Variants in CNTN5 observed in about 807,000 individuals in gnomAD.
CNTN5 encodes contactin 5.
CNTN5 carries 77 observed loss-of-function variants against 129.1 expected under a neutral mutation model. The ratio of observed to expected loss-of-function variants is 0.60; its 90% CI spans 0.50 to 0.72. The LOEUF is 0.72. Among genes scored for constraint, CNTN5 ranks in the 30% least tolerant of loss-of-function variants. The pLI, the probability that CNTN5 is intolerant of heterozygous loss-of-function variation, is 0.00. For missense variants in CNTN5, 1,478 were observed against 1,328.8 expected (o/e 1.11, Z -1.75); for synonymous variants, 509 against 465.6 (o/e 1.09, Z -1.20).
At chr11:100,288,893 T>A (rs1950874638) in intron 18 of CNTN5, among the ~76,000 whole-genome samples, 1 of 151,118 alleles carries the variant, frequency 6.6e-6, no homozygotes, top group Non-Finnish European at 1.5e-5. Context: ...GAGAGAAGAA[T>A]CAAATAGACA....
At chr11:100,121,825 A>G (rs902149149) in intron 13 of CNTN5, among the ~76,000 whole-genome samples, 13 of 152,028 alleles carry the variant, frequency 8.6e-5, no homozygotes, top group Non-Finnish European at 1.5e-4. Flanking sequence ...AGCAAAATAG[A>G]GGAAAGTATT....
chr11:100,105,771 G>A (rs1430650280), intron 13 of CNTN5, among the ~76,000 whole-genome samples: 1 of 151,774 alleles, frequency 6.6e-6, no homozygotes, highest in Non-Finnish European at 1.5e-5. Flanking sequence ...TCCAATTCAA[G>A]GCAAAATCCT....
intron 1 of CNTN5, among the ~76,000 whole-genome samples, chr11:99,183,863 C>A (rs575521939): frequency 6.6e-6 from 1 of 152,176 alleles, no homozygotes; most frequent in East Asian, 1.9e-4. Flanking sequence ...AATATCTTAA[C>A]CTTAAAATTT....
chr11:100,235,063 A>C (rs1156335624), intron 16 of CNTN5, among the ~76,000 whole-genome samples: 4 of 152,170 alleles, frequency 2.6e-5, no homozygotes, highest in Non-Finnish European at 5.9e-5. Context: ...TGTCATGAAA[A>C]CAAAACAAAA....
In CNTN5 at chr11:100,358,601, A is replaced by C. The variant is rs1952576854; in HGVS notation, c.*2381A>C. On this transcript the variant is annotated 3_prime_UTR_variant, in exon 25 of 25. Coordinates refer to ENST00000524871, the MANE Select transcript of CNTN5 (RefSeq NM_014361.4). ...TTTTCTGCTATGGGATAGTAACCAC[A>C]GTCTTAAATCACTAAAGAGACTGTA... 6.6e-6 allele frequency: 1 copy of C among 151,874 alleles called. No homozygotes were observed. The highest frequency in any genetic ancestry group is 1.5e-5 in the Non-Finnish European group (1 of 67,834). 9.4% of individuals were successfully genotyped at this position (151,874 alleles called of 1,614,324 possible). A position where few individuals can be genotyped will look rare whatever the true frequency, so the allele number is the denominator to read the frequency against.
At position 100,233,868 on chromosome 11, in the gene CNTN5, C is replaced by A. The variant is rs188736430; in HGVS notation, c.2005+9056C>A. Reference sequence around the variant, plus strand: ...AACTATCATCAGAGTGAACAGACAACCTACAGAATGGGATAAAATTTTTGC... The same window carrying A: ...AACTATCATCAGAGTGAACAGACAAACTACAGAATGGGATAAAATTTTTGC... On this transcript the variant is annotated intron_variant, in intron 16 of 24. Transcript: ENST00000524871. 2.0e-5 allele frequency among the ~76,000 whole-genome samples: 3 copies of A among 152,166 alleles called. No individual in the cohort carries two copies. The East Asian group carries it at 5.8e-4, about 29-fold the overall frequency.
chr11:99,031,798 G>T (rs1363733804), intron 1 of CNTN5, among the ~76,000 whole-genome samples: 2 of 150,924 alleles, frequency 1.3e-5, no homozygotes, highest in Non-Finnish European at 2.9e-5. Flanking sequence ...TAAGTTTTAG[G>T]GTACATGTGC....
At chr11:99,914,393 T>C (rs530997500) in intron 6 of CNTN5, among the ~76,000 whole-genome samples, 11 of 152,250 alleles carry the variant, frequency 7.2e-5, no homozygotes, top group African/African-American at 2.4e-4. Context: ...ATCAGTCCTT[T>C]TGAGTTTAAA....
At chr11:99,458,031 T>C (rs908484194) in intron 2 of CNTN5, among the ~76,000 whole-genome samples, 1 of 151,922 alleles carries the variant, frequency 6.6e-6, no homozygotes, top group African/African-American at 2.4e-5. Context: ...TATATAATCA[T>C]TATGAGTACA....
intron 3 of CNTN5, among the ~76,000 whole-genome samples, chr11:99,685,081 C>A (rs184904653): frequency 6.6e-6 from 1 of 151,550 alleles, no homozygotes; most frequent in African/African-American, 2.4e-5. Flanking sequence ...AGTTTAGCTG[C>A]ATCTAACAAA....
chr11:99,781,023 G>A (rs1274043812), intron 3 of CNTN5, among the ~76,000 whole-genome samples: 2 of 152,048 alleles, frequency 1.3e-5, no homozygotes, highest in African/African-American at 4.8e-5. Flanking sequence ...ATTGGTAGAT[G>A]CTAATTGATC....
chr11:100,237,985 A>G (rs937164572), intron 16 of CNTN5, among the ~76,000 whole-genome samples: 1 of 152,206 alleles, frequency 6.6e-6, no homozygotes, highest in East Asian at 1.9e-4. Context: ...TCATTATGAA[A>G]GAAACCTCTA....
At chr11:99,611,295 A>T (rs1466328031) in intron 3 of CNTN5, among the ~76,000 whole-genome samples, 1 of 152,166 alleles carries the variant, frequency 6.6e-6, no homozygotes, top group African/African-American at 2.4e-5. Context: ...TGTAGTCAGT[A>T]ACAGATACAT....
intron 2 of CNTN5, among the ~76,000 whole-genome samples, chr11:99,354,983 T>C (rs2136091632): frequency 6.6e-6 from 1 of 152,266 alleles, no homozygotes; most frequent in African/African-American, 2.4e-5. Context: ...GTTCCTTAAA[T>C]ACACTTATCT....
At chr11:100,106,423 G>C (rs1259539815) in intron 13 of CNTN5, among the ~76,000 whole-genome samples, 1 of 152,168 alleles carries the variant, frequency 6.6e-6, no homozygotes, top group Non-Finnish European at 1.5e-5. Flanking sequence ...CCTTACCAAA[G>C]ATTCCTTTCC....
intron 1 of CNTN5, among the ~76,000 whole-genome samples, chr11:99,036,652 T>G (rs1863750437): frequency 6.6e-6 from 1 of 152,144 alleles, no homozygotes; most frequent in Admixed American, 6.6e-5. Context: ...CTGCCAAGTT[T>G]TCCTCCATAG....
chr11:99,382,844 A>ATTTTTTTTTTTTTTTTTTTTT (rs774797660), intron 2 of CNTN5, among the ~76,000 whole-genome samples: 12 of 69,358 alleles, frequency 1.7e-4, no homozygotes, highest in African/African-American at 7.9e-4. Flanking sequence ...TCTCTAAATA[A>ATTTTTTTTTTTTTTTTTTTTT]CTTTTTTTTT....
chr11:100,281,162 GT>G (rs1410465005), intron 18 of CNTN5, among the ~76,000 whole-genome samples: 2 of 152,058 alleles, frequency 1.3e-5, no homozygotes, highest in Non-Finnish European at 2.9e-5. Context: ...GTGTTTTCCT[GT>G]GTACTTACTA....
chr11:99,313,943 C>A (rs1865225625), intron 1 of CNTN5, among the ~76,000 whole-genome samples: 1 of 151,862 alleles, frequency 6.6e-6, no homozygotes, highest in African/African-American at 2.4e-5. Context: ...ATATCCTAGG[C>A]TACAAATGAA....
Sources: gnomAD v4.1 joint callset for allele counts (sites outside exome capture counted in the v4.1 genomes callset) on GRCh38, gnomAD v4.1.1 for gene constraint, MANE v1.5 for transcripts, NCBI Gene and HGNC (gene_info 2026-07-23, HGNC 2026-07-21) for gene names.